Variants in CATSPERB observed in about 807,000 individuals in gnomAD.
CATSPERB encodes cation channel sperm-associated auxiliary subunit beta.
A neutral mutation model predicts 128.3 loss-of-function variants in CATSPERB; 93 were observed. That is an observed-to-expected ratio of 0.72 (90% CI 0.61 to 0.86). The LOEUF (loss-of-function observed/expected upper bound fraction) is 0.86. Among genes scored for constraint, CATSPERB ranks in the 40% least tolerant of loss-of-function variants. The pLI, the probability that CATSPERB is intolerant of heterozygous loss-of-function variation, is 0.00. For missense variants in CATSPERB, 1,153 were observed against 1,329.5 expected (o/e 0.87, Z 2.06); for synonymous variants, 381 against 448.8 (o/e 0.85, Z 1.91).
chr14:91,693,733 T>C (rs1895511410), intron 7 of CATSPERB, among the ~76,000 whole-genome samples: 1 of 152,208 alleles, frequency 6.6e-6, no homozygotes, highest in Non-Finnish European at 1.5e-5. Context: ...GTTCATTCTC[T>C]TAAAATATCT....
intron 11 of CATSPERB, among the ~76,000 whole-genome samples, chr14:91,676,949 C>T (rs1457740143): frequency 6.6e-6 from 1 of 152,114 alleles, no homozygotes; most frequent in Non-Finnish European, 1.5e-5. Flanking sequence ...CTTCGAAAAA[C>T]CTGAGAAAAA....
intron 13 of CATSPERB, 90 bp downstream of exon 13, chr14:91,672,777 A>G (rs769936133): frequency 1.6e-5 from 17 of 1,040,964 alleles, no homozygotes; most frequent in Non-Finnish European, 2.2e-5. Flanking sequence ...CTATTGCCAG[A>G]CATAACAAGA....
chr14:91,672,335 G>T (rs1222541443), intron 13 of CATSPERB, among the ~76,000 whole-genome samples: 6 of 152,074 alleles, frequency 3.9e-5, no homozygotes, highest in African/African-American at 1.4e-4. Flanking sequence ...ACCTCACCTG[G>T]TGTGCTGGAG....
At chr14:91,634,084 C>T (rs950690087) in intron 17 of CATSPERB, among the ~76,000 whole-genome samples, 6 of 152,104 alleles carry the variant, frequency 3.9e-5, no homozygotes, top group African/African-American at 1.4e-4. Flanking sequence ...AATTTAACTA[C>T]AAGTAGGCTA....
In CATSPERB at chr14:91,683,886, GCT is replaced by G; in HGVS notation, c.920_921del (p.Glu307AlafsTer3). 1.2e-6 allele frequency: 2 copies of G among 1,602,616 alleles called. No individual in the cohort carries two copies. Among genetic ancestry groups the G allele is most frequent in the Non-Finnish European group, 1.7e-6 (2 of 1,174,418 alleles). On this transcript the variant is annotated frameshift_variant, in exon 11 of 27. Coordinates refer to ENST00000256343, the MANE Select transcript of CATSPERB (RefSeq NM_024764.4). LOFTEE classifies it high-confidence loss of function. The stretch of plus-strand genomic sequence containing the variant: ...TTTAACCAAAATTTACCTTCAAAGT[GCT>G]CTCTGTTAGCAAAACATCTTTCATT... The part of the protein sequence containing the change: ...WYNERCFANR[E>X]HFEVDYVTVT...
chr14:91,706,811 T>G (rs558074572), intron 6 of CATSPERB, among the ~76,000 whole-genome samples: 3 of 152,184 alleles, frequency 2.0e-5, no homozygotes, highest in Non-Finnish European at 4.4e-5. Flanking sequence ...TTGTTAATTC[T>G]GTTTTCCCCC....
chr14:91,601,559 C>G (rs530247587), intron 22 of CATSPERB, among the ~76,000 whole-genome samples: 7 of 152,142 alleles, frequency 4.6e-5, no homozygotes, highest in African/African-American at 1.4e-4. Flanking sequence ...CAGAAACAAC[C>G]AAGCTCAGGT....
At chr14:91,605,941 C>T (rs945964835) in intron 22 of CATSPERB, among the ~76,000 whole-genome samples, 16 of 152,208 alleles carry the variant, frequency 1.1e-4, no homozygotes, top group African/African-American at 3.1e-4. Context: ...TTTGAGAGGC[C>T]GAGGCGGGCG....
intron 7 of CATSPERB, among the ~76,000 whole-genome samples, chr14:91,701,681 G>A (rs1895652357): frequency 6.6e-6 from 1 of 152,076 alleles, no homozygotes; most frequent in African/African-American, 2.4e-5. Flanking sequence ...GAGTACATGG[G>A]GCTGCTGCAT....
Position 91,589,713 on chromosome 14 carries a change from A to T in CATSPERB, c.2821-44T>A. On this transcript the variant is annotated intron_variant, in intron 23 of 26. Transcript: ENST00000256343. ...GAATGAATGTAAACTTGGGAAAGTC[A>T]ATAGTCACTTCATTTCCTGGTAAAA... is the stretch of plus-strand genomic sequence containing the variant. 4 of 1,587,132 alleles carry T rather than the reference A, an allele frequency of 2.5e-6. No individual in the cohort carries two copies. In the Admixed American group the frequency reaches 6.9e-5, roughly 27 times the overall value.
chr14:91,604,309 A>T (rs2139771171), intron 22 of CATSPERB: 1 of 728,880 alleles, frequency 1.4e-6, no homozygotes, highest in Non-Finnish European at 2.5e-6. Context: ...TGGTTTCCAA[A>T]CAAGAAAAAT....
chr14:91,614,920 G>C (rs933229152), intron 20 of CATSPERB, among the ~76,000 whole-genome samples: 7 of 152,244 alleles, frequency 4.6e-5, no homozygotes, highest in Admixed American at 4.6e-4. Flanking sequence ...AATCAATCTA[G>C]TTAACATAGC....
At chr14:91,630,777 A>G (rs1271346936) in intron 17 of CATSPERB, among the ~76,000 whole-genome samples, 1 of 152,222 alleles carries the variant, frequency 6.6e-6, no homozygotes, top group Admixed American at 6.5e-5. Context: ...AAAAATGTAA[A>G]TTGGATTATT....
intron 16 of CATSPERB, among the ~76,000 whole-genome samples, chr14:91,638,854 G>A (rs952991207): frequency 9.2e-5 from 14 of 152,188 alleles, no homozygotes; most frequent in African/African-American, 2.9e-4. Flanking sequence ...GTTCTGCTGC[G>A]AAGATATTTG....
At chr14:91,674,058 A>G in intron 12 of CATSPERB, 118 bp downstream of exon 12, 1 of 626,756 alleles carries the variant, frequency 1.6e-6, no homozygotes, top group Middle Eastern at 2.6e-4. Context: ...CTGGGAGCAA[A>G]GAGTGATTGT....
At chr14:91,673,327 T>C (rs1401728502) in intron 12 of CATSPERB, among the ~76,000 whole-genome samples, 1 of 152,202 alleles carries the variant, frequency 6.6e-6, no homozygotes, top group African/African-American at 2.4e-5. Flanking sequence ...TTCACCCATC[T>C]CTAATTCCTG....
intron 26 of CATSPERB, among the ~76,000 whole-genome samples, chr14:91,584,543 T>A (rs537980565): frequency 6.6e-6 from 1 of 152,358 alleles, no homozygotes; most frequent in African/African-American, 2.4e-5. Context: ...GTTATCACTT[T>A]TCTTCTGTTT....
Position 91,604,522 on chromosome 14 carries a change from G to C in CATSPERB, c.2709+3772C>G, listed in dbSNP as rs1893664450. ...TATGGCCTTCCCCAGCAGCTTCCAAGGCAGCCTCCAAGTCACTGGCAGGAG... is the reference window on the plus strand; with the variant it reads ...TATGGCCTTCCCCAGCAGCTTCCAACGCAGCCTCCAAGTCACTGGCAGGAG... On this transcript the variant is annotated intron_variant, in intron 22 of 26. Transcript: ENST00000256343. The C allele has an allele frequency of 3.7e-6, 6 of 1,604,840 alleles. No individual in the cohort carries two copies. The South Asian group carries it at 6.6e-5, about 18-fold the overall frequency.
intron 19 of CATSPERB, among the ~76,000 whole-genome samples, chr14:91,621,143 T>A (rs1301321044): frequency 6.6e-6 from 1 of 152,234 alleles, no homozygotes; most frequent in African/African-American, 2.4e-5. Flanking sequence ...GGCTCACGCC[T>A]GTAATCCCAG....
Sources: allele counts gnomAD v4.1 joint callset (sites outside exome capture counted in the v4.1 genomes callset), GRCh38; gene constraint gnomAD v4.1.1; transcripts MANE v1.5; gene names NCBI Gene and HGNC (gene_info 2026-07-23, HGNC 2026-07-21).